PDK1: variants seen among roughly 807,000 people sequenced by gnomAD.
The protein encoded by PDK1 is [Pyruvate dehydrogenase (acetyl-transferring)] kinase isozyme 1, mitochondrial.
A neutral mutation model predicts 54.2 loss-of-function variants in PDK1; 39 were observed. The ratio of observed to expected loss-of-function variants is 0.72; its 90% confidence interval spans 0.56 to 0.94. The LOEUF (loss-of-function observed/expected upper bound fraction) is 0.94, where lower values mean the gene tolerates loss of function less well. Among genes scored for constraint, PDK1 ranks in the 40% least tolerant of loss-of-function variants. PDK1 has a pLI of 0.00. For missense variants in PDK1, 552 were observed against 566.0 expected, an observed-to-expected ratio of 0.98 and a Z score of 0.25; for synonymous variants, 221 against 207.1, an observed-to-expected ratio of 1.07 and a Z score of -0.58.
downstream of PDK1, among the ~76,000 whole-genome samples, chr2:172,610,845 A>C (rs1412210122): frequency 6.6e-6 from 1 of 152,186 alleles, no homozygotes; most frequent in Non-Finnish European, 1.5e-5. Context: ...TCCTGACCTC[A>C]GGTGATCCAC....
chr2:172,626,030 T>A, the PDK1 span, among the ~76,000 whole-genome samples: 46 of 152,358 alleles, frequency 3.0e-4, no homozygotes, highest in Middle Eastern at 0.01. Context: ...TTCAAAATCT[T>A]TCAAAATGCA....
the PDK1 span, among the ~76,000 whole-genome samples, chr2:172,627,312 G>A: frequency 6.6e-6 from 1 of 152,168 alleles, no homozygotes. Flanking sequence ...GTTCGTCAGG[G>A]AAATACTTCA....
intron 8 of PDK1, among the ~76,000 whole-genome samples, chr2:172,584,830 GTTTT>G (rs1273636309): frequency 1.7e-5 from 2 of 116,468 alleles, no homozygotes; most frequent in African/African-American, 3.2e-5. Context: ...TAATTTTAAA[GTTTT>G]TTTTTTTTTT....
chr2:172,709,055 G>A, the PDK1 span, among the ~76,000 whole-genome samples: 2 of 150,438 alleles, frequency 1.3e-5, no homozygotes. Context: ...TCTTTTTTTT[G>A]TAGCCATTTA....
rs1324911199 is a variant in PDK1, at chr2:172,596,543, A to G, written c.*574A>G. The G allele has an allele frequency of 6.6e-6, 1 of 152,226 alleles. No individual in the cohort carries two copies. The highest frequency in any genetic ancestry group is 1.9e-4 in the East Asian group (1 of 5,192). 9.4% of individuals were successfully genotyped at this position (152,226 alleles called of 1,614,324 possible). On this transcript the variant is annotated 3_prime_UTR_variant, in exon 11 of 11. Coordinates refer to ENST00000282077, the MANE Select transcript of PDK1 (RefSeq NM_002610.5). ...TCTGAGGTTAATTTACCATTTTTAA[A>G]TTTTATTGTAAAGAAGTGTAATGAC...
chr2:172,574,511 G>C (rs1689472153), intron 8 of PDK1, among the ~76,000 whole-genome samples: 1 of 152,126 alleles, frequency 6.6e-6, no homozygotes, highest in Non-Finnish European at 1.5e-5. Flanking sequence ...TGCCATCTTA[G>C]AGTTAACAAT....
chr2:172,629,894 T>C, the PDK1 span, among the ~76,000 whole-genome samples: 1 of 152,186 alleles, frequency 6.6e-6, no homozygotes, highest in African/African-American at 2.4e-5. Flanking sequence ...GTGGGCTGAG[T>C]AAACGAGCCA....
the PDK1 span, among the ~76,000 whole-genome samples, chr2:172,615,065 G>A: frequency 0.043 from 6,566 of 152,190 alleles, 491 homozygotes; most frequent in African/African-American, 0.15. Context: ...GTTTGCTCCT[G>A]TGTGGGTGGA....
At chr2:172,661,931 C>T in the PDK1 span, among the ~76,000 whole-genome samples, 36 of 152,160 alleles carry the variant, frequency 2.4e-4, no homozygotes, top group Non-Finnish European at 4.4e-4. Flanking sequence ...AACAAACCTG[C>T]GTTTGTACAC....
chr2:172,615,732 A>G, the PDK1 span, among the ~76,000 whole-genome samples: 1 of 152,242 alleles, frequency 6.6e-6, no homozygotes, highest in South Asian at 2.1e-4. Context: ...TTTTGAAACA[A>G]ATCAATTATG....
Position 172,596,024 on chromosome 2 carries a change from G to C in PDK1, c.*55G>C, listed in dbSNP as rs1213929753. 13 of 1,500,002 alleles carry C rather than the reference G, an allele frequency of 8.7e-6. No homozygotes were observed. The Middle Eastern group carries it at 5.1e-4, about 59-fold the overall frequency. The allele number at this position is 1,500,002 out of a possible 1,614,324, so 92.9% of individuals were successfully genotyped here. On this transcript the variant is annotated 3_prime_UTR_variant, in exon 11 of 11. Coordinates refer to ENST00000282077, the MANE Select transcript of PDK1 (RefSeq NM_002610.5). ...GTGGCTTTTGTATTAAATTTGGAAGGTATGGTGTTCAGAACTATATTATAC... is the reference window on the plus strand; with the variant it reads ...GTGGCTTTTGTATTAAATTTGGAAGCTATGGTGTTCAGAACTATATTATAC...
chr2:172,668,906 T>TATAG, the PDK1 span, among the ~76,000 whole-genome samples: 1,071 of 130,568 alleles, frequency 8.2e-3, 15 homozygotes, highest in East Asian at 0.069. Context: ...TATATATATA[T>TATAG]AGAGAGAGAG....
the PDK1 span, among the ~76,000 whole-genome samples, chr2:172,714,266 C>T: frequency 6.6e-6 from 1 of 152,190 alleles, no homozygotes; most frequent in Admixed American, 6.5e-5. Context: ...CTCTTTTCAA[C>T]ATATACAATA....
At chr2:172,699,326 ACCT>A in the PDK1 span, among the ~76,000 whole-genome samples, 1 of 152,216 alleles carries the variant, frequency 6.6e-6, no homozygotes, top group African/African-American at 2.4e-5. Flanking sequence ...TTATCAGGAA[ACCT>A]CAACTGAGTA....
At position 172,604,177 on chromosome 2, in the gene PDK1, G is replaced by A. The variant is rs1691209406; in HGVS notation, c.*8208G>A. On this transcript the variant is annotated 3_prime_UTR_variant, in exon 11 of 11. Coordinates refer to ENST00000282077, the MANE Select transcript of PDK1 (RefSeq NM_002610.5). ...GCTCACTGCAACCTCTGCCTCCTGA[G>A]TTGAAGCAATTCTCCTGCCTCAGCC... 6.6e-6 allele frequency: 1 copy of A among 152,250 alleles called. No homozygotes were observed. The highest frequency in any genetic ancestry group is 1.9e-4 in the East Asian group (1 of 5,194). The allele number at this position is 152,250 out of a possible 1,614,324, so 9.4% of individuals were successfully genotyped here. A position where few individuals can be genotyped will look rare whatever the true frequency, so the allele number is the denominator to read the frequency against.
chr2:172,657,117 G>A, the PDK1 span, among the ~76,000 whole-genome samples: 1 of 152,122 alleles, frequency 6.6e-6, no homozygotes, highest in Non-Finnish European at 1.5e-5. Flanking sequence ...AATTTTCTGG[G>A]AGGTGGTTTG....
chr2:172,636,084 CCT>C, the PDK1 span, among the ~76,000 whole-genome samples: 2 of 152,246 alleles, frequency 1.3e-5, no homozygotes, highest in East Asian at 3.8e-4. Context: ...GTGGCCTTGG[CCT>C]CTCCATGTCA....
chr2:172,686,773 G>C, the PDK1 span, among the ~76,000 whole-genome samples: 1 of 152,304 alleles, frequency 6.6e-6, no homozygotes, highest in East Asian at 1.9e-4. Flanking sequence ...GGTGAGACCA[G>C]GAACACACCA....
chr2:172,625,711 T>C, the PDK1 span, among the ~76,000 whole-genome samples: 1 of 152,220 alleles, frequency 6.6e-6, no homozygotes, highest in Non-Finnish European at 1.5e-5. Context: ...GGAGCACTTA[T>C]GACACCTTAT....
Sources: allele counts gnomAD v4.1 joint callset (sites outside exome capture counted in the v4.1 genomes callset), GRCh38; gene constraint gnomAD v4.1.1; transcripts MANE v1.5; gene names NCBI Gene and HGNC (gene_info 2026-07-23, HGNC 2026-07-21).